The following MARCHF5 variants were observed in gnomAD, a reference collection of about 807,000 sequenced individuals.
MARCHF5 encodes membrane associated ring-CH-type finger 5.
MARCHF5 carries 5 observed loss-of-function variants against 36.5 expected under a neutral mutation model. The observed-to-expected ratio is 0.14, with a 90% CI of 0.07 to 0.29. The LOEUF (loss-of-function observed/expected upper bound fraction) is 0.29, where lower values mean the gene tolerates loss of function less well. MARCHF5 is among the 10% of genes least tolerant of loss of function. MARCHF5 has a pLI of 1.00. For missense variants in MARCHF5, 179 were observed against 336.3 expected (o/e 0.53, Z 3.66); for synonymous variants, 103 against 109.9 (o/e 0.94, Z 0.39).
At chr10:92,348,200 A>C (rs1254914259) in intron 3 of MARCHF5, among the ~76,000 whole-genome samples, 1 of 127,378 alleles carries the variant, frequency 7.9e-6, no homozygotes, top group Non-Finnish European at 1.7e-5. Flanking sequence ...AAAAAAAAAA[A>C]ATTTTTGGCC....
intron 3 of MARCHF5, among the ~76,000 whole-genome samples, chr10:92,341,041 C>T (rs987010436): frequency 1.3e-5 from 2 of 152,056 alleles, no homozygotes; most frequent in African/African-American, 2.4e-5. Context: ...ATCTGCATAA[C>T]GTTCTATCTA....
At chr10:92,293,889 G>A (rs1842920113) in intron 1 of MARCHF5, among the ~76,000 whole-genome samples, 1 of 151,968 alleles carries the variant, frequency 6.6e-6, no homozygotes, top group African/African-American at 2.4e-5. Flanking sequence ...TCTCATCTTT[G>A]TACTACTCTC....
chr10:92,340,253 G>T (rs1406402170), intron 2 of MARCHF5, among the ~76,000 whole-genome samples: 1 of 152,102 alleles, frequency 6.6e-6, no homozygotes, highest in Non-Finnish European at 1.5e-5. Flanking sequence ...CTAATTTTAG[G>T]TTCAATAATA....
chr10:92,307,196 TGTGTGTGTGTGTGTGTGC>T (rs1034407328), intron 1 of MARCHF5, among the ~76,000 whole-genome samples: 4 of 97,992 alleles, frequency 4.1e-5, no homozygotes, highest in Non-Finnish European at 7.3e-5. Context: ...TGTGTGTGTG[TGTGTGTGTGTGTGTGTGC>T]GCGTGCATGC....
intron 2 of MARCHF5, among the ~76,000 whole-genome samples, chr10:92,329,282 C>T (rs1446678788): frequency 6.6e-6 from 1 of 152,114 alleles, no homozygotes; most frequent in Non-Finnish European, 1.5e-5. Flanking sequence ...TGTTAGCAAA[C>T]TGAGATTTTA....
At chr10:92,341,185 C>CGT (rs1388336326) in intron 3 of MARCHF5, among the ~76,000 whole-genome samples, 1 of 152,034 alleles carries the variant, frequency 6.6e-6, no homozygotes, top group African/African-American at 2.4e-5. Flanking sequence ...GGTGGATCAC[C>CGT]TGAGGTCAGG....
intron 2 of MARCHF5, among the ~76,000 whole-genome samples, chr10:92,322,178 A>G (rs1590657202): frequency 1.4e-5 from 2 of 140,270 alleles, no homozygotes; most frequent in East Asian, 2.2e-4. Context: ...CAGGAGGCGA[A>G]GGTTTCAGTG....
At chr10:92,324,091 A>G (rs1173266916) in intron 2 of MARCHF5, among the ~76,000 whole-genome samples, 1 of 152,250 alleles carries the variant, frequency 6.6e-6, no homozygotes, top group East Asian at 1.9e-4. Flanking sequence ...TCATTCTGAT[A>G]GATGTATAGA....
chr10:92,348,102 G>C (rs1740606616), intron 3 of MARCHF5, among the ~76,000 whole-genome samples: 2 of 151,676 alleles, frequency 1.3e-5, no homozygotes, highest in Non-Finnish European at 2.9e-5. Context: ...AGAATTGCTT[G>C]AACCTGGGAG....
intron 2 of MARCHF5, among the ~76,000 whole-genome samples, chr10:92,319,687 C>T (rs1843265558): frequency 6.9e-6 from 1 of 144,730 alleles, no homozygotes; most frequent in Non-Finnish European, 1.5e-5. Context: ...GGGAGTCTTA[C>T]TCTGTTGCCC....
intron 2 of MARCHF5, among the ~76,000 whole-genome samples, chr10:92,315,278 A>G (rs1843196910): frequency 6.6e-6 from 1 of 152,208 alleles, no homozygotes; most frequent in African/African-American, 2.4e-5. Context: ...ATCTGTGATA[A>G]TAATTGTTCT....
chr10:92,333,905 G>A (rs1843469465), intron 2 of MARCHF5, among the ~76,000 whole-genome samples: 2 of 152,052 alleles, frequency 1.3e-5, no homozygotes, highest in South Asian at 4.2e-4. Context: ...GTTGCCATTT[G>A]AGGGCCGGGT....
intron 2 of MARCHF5, among the ~76,000 whole-genome samples, chr10:92,337,514 G>A (rs960953550): frequency 2.6e-5 from 4 of 151,860 alleles, no homozygotes; most frequent in East Asian, 3.9e-4. Context: ...GCAAAACTCC[G>A]TCTCAAAAAA....
intron 2 of MARCHF5, among the ~76,000 whole-genome samples, chr10:92,329,848 C>A (rs576419627): frequency 6.6e-6 from 1 of 152,220 alleles, no homozygotes; most frequent in East Asian, 1.9e-4. Flanking sequence ...TTAGAGAACT[C>A]ATTTAGTCTT....
At chr10:92,317,427 C>T (rs1843225829) in intron 2 of MARCHF5, among the ~76,000 whole-genome samples, 1 of 152,060 alleles carries the variant, frequency 6.6e-6, no homozygotes, top group Non-Finnish European at 1.5e-5. Context: ...CTTCTCTCAA[C>T]ATTGTTTTAT....
intron 2 of MARCHF5, among the ~76,000 whole-genome samples, chr10:92,319,479 A>G (rs1420858674): frequency 6.6e-6 from 1 of 150,970 alleles, no homozygotes; most frequent in African/African-American, 2.4e-5. Context: ...TATTTTTAGT[A>G]GAGACGGGGT....
At chr10:92,344,015 T>A (rs1319530081) in intron 3 of MARCHF5, among the ~76,000 whole-genome samples, 1 of 152,202 alleles carries the variant, frequency 6.6e-6, no homozygotes, top group Non-Finnish European at 1.5e-5. Context: ...ATACATTATA[T>A]AGATATATAT....
chr10:92,295,962 G>A (rs1422492806), intron 1 of MARCHF5, among the ~76,000 whole-genome samples: 3 of 151,044 alleles, frequency 2.0e-5, no homozygotes, highest in Non-Finnish European at 2.9e-5. Flanking sequence ...CACAACCTCC[G>A]CCTCTCGGGT....
chr10:92,320,058 A>T (rs7088550), intron 2 of MARCHF5, among the ~76,000 whole-genome samples: 39 of 150,396 alleles, frequency 2.6e-4, no homozygotes, highest in Middle Eastern at 3.2e-3. Flanking sequence ...TGCAAAAAAA[A>T]TTTTTTTAAT....
Sources: gnomAD v4.1 joint callset for allele counts (sites outside exome capture counted in the v4.1 genomes callset) on GRCh38, gnomAD v4.1.1 for gene constraint, MANE v1.5 for transcripts, NCBI Gene and HGNC (gene_info 2026-07-23, HGNC 2026-07-21) for gene names.